PLPPR5: variants seen among roughly 807,000 people sequenced by gnomAD.
PLPPR5 encodes phospholipid phosphatase related 5.
A neutral mutation model predicts 33.9 loss-of-function variants in PLPPR5; 16 were observed. The observed-to-expected ratio is 0.47, with a 90% CI of 0.32 to 0.72. The LOEUF is 0.72. PLPPR5 is among the 30% of genes least tolerant of loss of function. The probability of loss-of-function intolerance (pLI) is 0.03; values close to 1 mark genes in which losing one functional copy is unlikely to be tolerated. For missense variants in PLPPR5, 301 were observed against 406.7 expected (o/e 0.74, Z 2.23); for synonymous variants, 163 against 150.3 (o/e 1.08, Z -0.62).
chr1:98,943,111 G>T (rs1213306088), intron 3 of PLPPR5, among the ~76,000 whole-genome samples: 2 of 152,120 alleles, frequency 1.3e-5, no homozygotes, highest in African/African-American at 4.8e-5. Flanking sequence ...ATCCCTTAGG[G>T]GCAAAATAGA....
chr1:98,915,005 CATGTAAGAAAGT>C (rs1649292679), intron 4 of PLPPR5, 85 bp from the exon 5 acceptor site: 1 of 1,263,816 alleles, frequency 7.9e-7, no homozygotes, highest in East Asian at 2.5e-5. Context: ...TAAAGCTAAG[CATGTAAGAAAGT>C]ATTAAAATTA....
chr1:98,904,742 G>C (rs1648834228), intron 5 of PLPPR5, among the ~76,000 whole-genome samples: 1 of 152,096 alleles, frequency 6.6e-6, no homozygotes, highest in Non-Finnish European at 1.5e-5. Context: ...GACCTATGAG[G>C]ATCATCTGGA....
intron 5 of PLPPR5, among the ~76,000 whole-genome samples, chr1:98,912,359 TCA>T (rs1649183386): frequency 6.6e-6 from 1 of 152,200 alleles, no homozygotes; most frequent in Admixed American, 6.5e-5. Flanking sequence ...AGAAAGTAGT[TCA>T]CTTCTTTCTC....
intron 1 of PLPPR5, among the ~76,000 whole-genome samples, chr1:98,967,834 G>T (rs1324349714): frequency 6.6e-6 from 1 of 152,062 alleles, no homozygotes; most frequent in African/African-American, 2.4e-5. Flanking sequence ...TTTCTAAGTC[G>T]TATCTGCGAT....
chr1:98,973,435 A>T (rs1377543648), intron 1 of PLPPR5, among the ~76,000 whole-genome samples: 3 of 151,976 alleles, frequency 2.0e-5, no homozygotes, highest in Admixed American at 2.0e-4. Flanking sequence ...TGATGTTTTC[A>T]CATGGCACAT....
chr1:98,910,863 C>A (rs1307581583), intron 5 of PLPPR5, among the ~76,000 whole-genome samples: 2 of 149,724 alleles, frequency 1.3e-5, no homozygotes, highest in Admixed American at 6.7e-5. Flanking sequence ...AAACTCCACA[C>A]AGACAGCAGC....
intron 1 of PLPPR5, among the ~76,000 whole-genome samples, chr1:98,979,806 C>T (rs893263533): frequency 2.6e-5 from 4 of 152,008 alleles, no homozygotes; most frequent in African/African-American, 9.7e-5. Flanking sequence ...ACCAGCCTGC[C>T]TCATCTTACT....
At chr1:99,005,551 C>G (rs1051783947), upstream of PLPPR5, among the ~76,000 whole-genome samples, 6 of 152,222 alleles carry the variant, frequency 3.9e-5, no homozygotes, top group East Asian at 3.9e-4. Context: ...GTACAGCGGC[C>G]CCTTCCTGGA....
intron 1 of PLPPR5, chr1:98,991,336 G>A (rs1000862960): frequency 3.3e-5 from 5 of 151,416 alleles, no homozygotes; most frequent in African/African-American, 1.2e-4. Context: ...ACAAGGTGTC[G>A]TTACACCCGC....
intron 1 of PLPPR5, among the ~76,000 whole-genome samples, chr1:98,997,369 T>C (rs558286649): frequency 5.3e-5 from 8 of 152,292 alleles, no homozygotes; most frequent in Admixed American, 4.6e-4. Flanking sequence ...AGTAGATACA[T>C]TGTCGTCTTT....
rs1405167649 is a variant in PLPPR5 at position 99,004,663 on chromosome 1, C to T, written c.9G>A (p.Leu3=). 1 of 1,609,914 alleles carries T rather than the reference C, an allele frequency of 6.2e-7. No homozygotes were observed. Among genetic ancestry groups the T allele is most frequent in the South Asian group, 1.1e-5 (1 of 90,754 alleles). ...TGCTGCTGGTGAGCGCCGCGGGCAG[C>T]AGGGGCATGCACGCCTCCCGGGCCG... MP[L]LPAALTSSML... Residue 3 remains leucine, a synonymous_variant, in exon 1 of 6, where the codon CTG becomes CTA. Transcript: ENST00000263177.
intron 1 of PLPPR5, among the ~76,000 whole-genome samples, chr1:98,978,107 G>A (rs1651925181): frequency 6.6e-6 from 1 of 151,816 alleles, no homozygotes. Flanking sequence ...TAATTCCTCT[G>A]GCATCGACAA....
At chr1:98,942,030 A>G (rs959648285) in intron 3 of PLPPR5, among the ~76,000 whole-genome samples, 2 of 149,476 alleles carry the variant, frequency 1.3e-5, no homozygotes, top group African/African-American at 4.9e-5. Flanking sequence ...ATACATATAT[A>G]TATACACATA....
At chr1:98,914,195 G>A (rs1217165659) in intron 5 of PLPPR5, among the ~76,000 whole-genome samples, 1 of 152,166 alleles carries the variant, frequency 6.6e-6, no homozygotes, top group Non-Finnish European at 1.5e-5. Flanking sequence ...TGTGAGACCA[G>A]TACACAATGT....
At chr1:98,996,225 A>C (rs1359037674) in intron 1 of PLPPR5, among the ~76,000 whole-genome samples, 1 of 151,986 alleles carries the variant, frequency 6.6e-6, no homozygotes, top group Non-Finnish European at 1.5e-5. Flanking sequence ...AAGGAACATA[A>C]AAATGAATTC....
chr1:98,894,537 T>C (rs1359404452), intron 5 of PLPPR5, among the ~76,000 whole-genome samples: 1 of 152,038 alleles, frequency 6.6e-6, no homozygotes, highest in Admixed American at 6.6e-5. Flanking sequence ...TAATAGGATC[T>C]AGAACAACAT....
intron 3 of PLPPR5, 93 bp downstream of exon 3, chr1:98,952,977 G>C: frequency 6.9e-7 from 1 of 1,445,464 alleles, no homozygotes; most frequent in East Asian, 2.3e-5. Context: ...TGTGCTTTAA[G>C]TGACTTTCAT....
intron 1 of PLPPR5, among the ~76,000 whole-genome samples, chr1:98,985,786 A>G (rs1652239944): frequency 6.6e-6 from 1 of 152,080 alleles, no homozygotes; most frequent in East Asian, 1.9e-4. Context: ...GGAACAACAG[A>G]TTATTCCATA....
intron 4 of PLPPR5, among the ~76,000 whole-genome samples, chr1:98,921,042 C>T (rs145474746): frequency 1.4e-4 from 21 of 152,142 alleles, no homozygotes; most frequent in Non-Finnish European, 2.6e-4. Flanking sequence ...ATGGTATAAA[C>T]ATCAGTAAGT....
Sources: gnomAD v4.1 joint callset for allele counts (sites outside exome capture counted in the v4.1 genomes callset) on GRCh38, gnomAD v4.1.1 for gene constraint, MANE v1.5 for transcripts, NCBI Gene and HGNC (gene_info 2026-07-23, HGNC 2026-07-21) for gene names.